The following MPST variants were observed in gnomAD, a reference collection of about 807,000 sequenced individuals.
The protein encoded by MPST is 3-mercaptopyruvate sulfurtransferase.
A neutral mutation model predicts 28.5 loss-of-function variants in MPST; 27 were observed. That is an observed-to-expected ratio of 0.95 (90% confidence interval 0.70 to 1.31). The LOEUF (loss-of-function observed/expected upper bound fraction) is 1.31, where lower values mean the gene tolerates loss of function less well. Among genes scored for constraint, MPST ranks in the 50% most tolerant of loss-of-function variants. The pLI, the probability that MPST is intolerant of heterozygous loss-of-function variation, is 0.00. For synonymous variants in MPST, 204 were observed against 209.3 expected (o/e 0.97, Z 0.22); for missense variants, 492 against 471.1 (o/e 1.04, Z -0.41).
At chr22:37,019,941 G>A in intron 1 of MPST, 69 bp downstream of exon 1, 1 of 785,742 alleles carries the variant, frequency 1.3e-6, no homozygotes, top group Admixed American at 4.3e-5. Flanking sequence ...GGTGCTCGGC[G>A]CGGGGCTCCC....
rs201793687 is a variant in MPST at position 37,024,453 on chromosome 22, G to A, written c.298G>A (p.Glu100Lys). ...SPYDHMLPGA[E>K]HFAEYAGRLG... is the part of the protein sequence containing the mutation. ...CTACGACCACATGCTGCCCGGGGCC[G>A]AGCATTTCGCGGAGTACGCAGGCCG... Residue 100 changes from glutamate to lysine, a missense_variant, in exon 2 of 3, where the codon GAG becomes AAG. Coordinates refer to ENST00000429360, the MANE Select transcript of MPST (RefSeq NM_021126.8). The A allele has an allele frequency of 6.5e-7, 1 of 1,550,086 alleles. No homozygotes were observed.
At chr22:37,024,031 C>A in intron 1 of MPST, 161 bp from the exon 2 acceptor site, 2 of 1,292,138 alleles carry the variant, frequency 1.5e-6, no homozygotes, top group Non-Finnish European at 2.0e-6. Flanking sequence ...GGCTACCCAC[C>A]TTTGTGCCCG....
In MPST at chr22:37,024,584, CG is replaced by C; in HGVS notation, c.430del (p.Ala144ProfsTer86). ...WWMFRAFGHHAVSLLDGGLRH... is the reference protein window; with the variant it reads ...WWMFRAFGHHXVSLLDGGLRH... ...GGATGTTCCGCGCCTTCGGCCACCACGCCGTGTCACTGCTTGATGGCGGCCT... is the reference window on the plus strand; with the variant it reads ...GGATGTTCCGCGCCTTCGGCCACCACCCGTGTCACTGCTTGATGGCGGCCT... On this transcript the variant is annotated frameshift_variant, in exon 2 of 3. Coordinates refer to ENST00000429360, the MANE Select transcript of MPST (RefSeq NM_021126.8). LOFTEE classifies it high-confidence loss of function. The C allele has an allele frequency of 6.3e-7, 1 of 1,592,786 alleles. No homozygotes were observed. Among genetic ancestry groups the C allele is most frequent in the Non-Finnish European group, 8.5e-7 (1 of 1,176,492 alleles).
At chr22:37,023,933 G>C (rs1473607978) in intron 1 of MPST, 3 of 1,524,926 alleles carry the variant, frequency 2.0e-6, no homozygotes, top group Non-Finnish European at 2.6e-6. Flanking sequence ...TGGAGGTGAG[G>C]GGCGTGGCCT....
intron 1 of MPST, chr22:37,023,513 C>T (rs1400365170): frequency 6.5e-6 from 1 of 153,390 alleles, no homozygotes; most frequent in African/African-American, 2.4e-5. Flanking sequence ...ATCCACCTGC[C>T]TGGGCCTCCC....
At chr22:37,026,814 T>TA (rs1923559841) in intron 2 of MPST, 1 of 152,422 alleles carries the variant, frequency 6.6e-6, no homozygotes, top group African/African-American at 2.4e-5. Context: ...TAGATACCGA[T>TA]ACATGGGTCA....
chr22:37,029,783 A>C lies in MPST; in HGVS notation c.*269A>C. On this transcript the variant is annotated 3_prime_UTR_variant, in exon 3 of 3. Transcript: ENST00000429360. ...TGGGGCCCCGCCTCCTTTCTGTTTT[A>C]TTTTTGAGGAAATAAAATAACCAAG... The C allele has an allele frequency of 1.9e-6, 1 of 528,160 alleles. No homozygotes were observed. Among genetic ancestry groups the C allele is most frequent in the South Asian group, 2.6e-5 (1 of 38,894 alleles). 32.7% of individuals were successfully genotyped at this position (528,160 alleles called of 1,614,324 possible).
chr22:37,025,240 TG>T (rs1923437574), intron 2 of MPST: 1 of 1,075,222 alleles, frequency 9.3e-7, no homozygotes. Flanking sequence ...CCTAGCTCAT[TG>T]GGAACCCTGG....
intron 2 of MPST, chr22:37,025,766 GCCTT>G (rs1276572698): frequency 6.6e-6 from 1 of 152,576 alleles, no homozygotes; most frequent in Non-Finnish European, 1.5e-5. Flanking sequence ...TTTCTCTTGT[GCCTT>G]CAAGAGTGCA....
Position 37,024,522 on chromosome 22 carries a change from A to G in MPST, c.367A>G (p.Ser123Gly), listed in dbSNP as rs1184056595. ...CACCCACGTCGTGATCTACGACGCC[A>G]GCGACCAGGGCCTCTACTCCGCCCC... ...AATHVVIYDA[S>G]DQGLYSAPRV... Residue 123 changes from serine to glycine, a missense_variant, in exon 2 of 3, where the codon AGC (serine) becomes GGC (glycine). Coordinates refer to ENST00000429360, the MANE Select transcript of MPST (RefSeq NM_021126.8). 1.1e-5 allele frequency: 17 copies of G among 1,566,558 alleles called. No individual in the cohort carries two copies. The highest frequency in any genetic ancestry group is 1.4e-5 in the Non-Finnish European group (16 of 1,161,268).
Position 37,029,453 on chromosome 22 carries a change from A to T in MPST, c.893A>T (p.Glu298Val), listed in dbSNP as rs769493622. 9.9e-6 allele frequency: 16 copies of T among 1,613,484 alleles called. No individual in the cohort carries two copies. In the East Asian group the frequency reaches 3.3e-4, roughly 34 times the overall value. ...CCCATCTACGATGGCTCCTGGGTGG[A>T]GTGGTACATGCGCGCCCGGCCCGAG... is the stretch of plus-strand genomic sequence containing the variant. ...DVPIYDGSWV[E>V]WYMRARPEDV... Residue 298 changes from glutamate (E) to valine (V), a missense_variant, in exon 3 of 3, where the codon GAG (glutamate) becomes GTG (valine). Physicochemically the swap from Glu to Val is moderately radical, Grantham distance 121. Coordinates refer to ENST00000429360, the MANE Select transcript of MPST (RefSeq NM_021126.8).
chr22:37,023,908 C>G (rs1487034569), intron 1 of MPST: 6 of 1,512,248 alleles, frequency 4.0e-6, no homozygotes, highest in Non-Finnish European at 5.3e-6. Flanking sequence ...TCCACCCACC[C>G]TCCTGCCCAG....
At chr22:37,022,261 T>C (rs937802045) in intron 1 of MPST, among the ~76,000 whole-genome samples, 1 of 152,144 alleles carries the variant, frequency 6.6e-6, no homozygotes, top group Non-Finnish European at 1.5e-5. Flanking sequence ...CAGATTAGTC[T>C]GGACTTCCTC....
chr22:37,020,206 G>A (rs2145906821), intron 1 of MPST: 2 of 281,620 alleles, frequency 7.1e-6, no homozygotes, highest in South Asian at 1.7e-4. Context: ...TTGTTAGTGA[G>A]TGAAAGGAAC....
chr22:37,025,428 T>C (rs6000536), intron 2 of MPST: 62,711 of 231,372 alleles, frequency 0.27, 12,810 homozygotes, highest in African/African-American at 0.64. Flanking sequence ...GAAAGTCTCT[T>C]CCAGGGACCA....
chr22:37,024,917 C>A (rs1923408649), intron 2 of MPST, 107 bp downstream of exon 2: 1 of 1,542,448 alleles, frequency 6.5e-7, no homozygotes, highest in Non-Finnish European at 8.8e-7. Flanking sequence ...ATCTTGCTTT[C>A]ATTTCCTTTC....
intron 1 of MPST, among the ~76,000 whole-genome samples, chr22:37,020,831 A>G (rs1037896829): frequency 1.3e-5 from 2 of 151,950 alleles, no homozygotes; most frequent in Admixed American, 6.6e-5. Flanking sequence ...GCTAATTTTT[A>G]AATTTTTGGT....
rs1264046835 is a variant in MPST at position 37,024,332 on chromosome 22, G to T, written c.177G>T (p.Pro59=). The change falls in exon 2 of 3, where the codon CCG becomes CCT. Residue 59 remains proline (P), a synonymous_variant. Transcript: ENST00000429360. ...TGCTGGACGCCTCCTGGTACCTGCCGAAGCTGGGGCGCGACGCGCGACGCG... is the reference window on the plus strand; with the variant it reads ...TGCTGGACGCCTCCTGGTACCTGCCTAAGCTGGGGCGCGACGCGCGACGCG... ...LQLLDASWYL[P]KLGRDARREF... The T allele has an allele frequency of 6.5e-7, 1 of 1,537,776 alleles. No individual in the cohort carries two copies. Among genetic ancestry groups the T allele is most frequent in the Non-Finnish European group, 8.7e-7 (1 of 1,144,142 alleles).
At position 37,020,041 on chromosome 22, in the gene MPST, G is replaced by A. The variant is rs192161507; in HGVS notation, c.36+169G>A. The A allele has an allele frequency of 3.4e-4, 136 of 405,698 alleles. 2 individuals carry two copies. In the East Asian group the frequency reaches 4.7e-3, roughly 14 times the overall value. The allele number at this position is 405,698 out of a possible 1,614,324, so 25.1% of individuals were successfully genotyped here. On this transcript the variant is annotated intron_variant, in intron 1 of 2. Transcript: ENST00000429360. ...TAAGGGTGACTGTCCGCTTGGGGCG[G>A]CCTGCCGGGTGGGGTCGTGGCGAGT...
Sources: allele counts gnomAD v4.1 joint callset (sites outside exome capture counted in the v4.1 genomes callset), GRCh38; gene constraint gnomAD v4.1.1; transcripts MANE v1.5; gene names NCBI Gene and HGNC (gene_info 2026-07-23, HGNC 2026-07-21).